Variants in CTNNA3 observed in about 807,000 individuals in gnomAD.
CTNNA3 encodes catenin alpha 3, also known as catenin alpha-3.
CTNNA3 carries 76 observed loss-of-function variants against 95.7 expected under a neutral mutation model. The observed-to-expected ratio is 0.79, with a 90% CI of 0.66 to 0.96. CTNNA3 has a LOEUF of 0.96. CTNNA3 is among the 40% of genes least tolerant of loss of function. The pLI is 0.00. For synonymous variants in CTNNA3, 431 were observed against 374.4 expected, an observed-to-expected ratio of 1.15 and a Z score of -1.74; for missense variants, 1,191 against 1,089.8, an observed-to-expected ratio of 1.09 and a Z score of -1.31.
intron 13 of CTNNA3, among the ~76,000 whole-genome samples, chr10:66,201,775 T>C (rs1025063084): frequency 2.3e-4 from 32 of 141,320 alleles, no homozygotes; most frequent in African/African-American, 8.3e-4. Context: ...GCTGTCTTTT[T>C]ACTTTTTCTT....
chr10:66,476,983 T>A (rs552274321), intron 11 of CTNNA3, among the ~76,000 whole-genome samples: 1 of 152,264 alleles, frequency 6.6e-6, no homozygotes, highest in African/African-American at 2.4e-5. Flanking sequence ...TTTATGTTAA[T>A]ATTTAACTCT....
intron 16 of CTNNA3, among the ~76,000 whole-genome samples, chr10:65,971,202 C>T (rs1057027283): frequency 2.6e-5 from 4 of 151,660 alleles, no homozygotes; most frequent in Admixed American, 6.6e-5. Flanking sequence ...ACTCCTACCT[C>T]AAAAAGTTAG....
intron 9 of CTNNA3, among the ~76,000 whole-genome samples, chr10:66,763,002 C>T (rs115058643): frequency 1.2e-4 from 19 of 152,062 alleles, no homozygotes; most frequent in African/African-American, 3.1e-4. Flanking sequence ...AGACTTTCTG[C>T]CGTGCTATGT....
intron 15 of CTNNA3, among the ~76,000 whole-genome samples, chr10:66,059,278 C>T (rs2080148066): frequency 6.6e-6 from 1 of 152,072 alleles, no homozygotes; most frequent in African/African-American, 2.4e-5. Flanking sequence ...ACATCATTCT[C>T]ATAAATACAG....
intron 5 of CTNNA3, among the ~76,000 whole-genome samples, chr10:67,449,187 G>T (rs1476041088): frequency 6.6e-6 from 1 of 151,844 alleles, no homozygotes; most frequent in Non-Finnish European, 1.5e-5. Flanking sequence ...TGAGAAAACA[G>T]AAACAAATGG....
intron 5 of CTNNA3, among the ~76,000 whole-genome samples, chr10:67,382,838 G>A (rs557089405): frequency 2.0e-5 from 3 of 152,266 alleles, no homozygotes; most frequent in South Asian, 4.1e-4. Flanking sequence ...ACAAGAGAGA[G>A]GAGGGGGTGC....
intron 1 of CTNNA3, among the ~76,000 whole-genome samples, chr10:67,659,289 T>C (rs951331969): frequency 6.6e-6 from 1 of 152,192 alleles, no homozygotes; most frequent in Non-Finnish European, 1.5e-5. Flanking sequence ...AAAGTAATAT[T>C]GTACATGAGA....
At chr10:66,057,560 T>C (rs1276391335) in intron 15 of CTNNA3, among the ~76,000 whole-genome samples, 2 of 152,176 alleles carry the variant, frequency 1.3e-5, no homozygotes, top group East Asian at 1.9e-4. Context: ...CAGTCTCCTT[T>C]ATATTAAAGC....
At chr10:67,585,128 C>G (rs1266006141) in intron 3 of CTNNA3, among the ~76,000 whole-genome samples, 2 of 152,170 alleles carry the variant, frequency 1.3e-5, no homozygotes, top group Non-Finnish European at 2.9e-5. Context: ...CAGAAATCAC[C>G]CATCTTCTGC....
chr10:66,658,568 A>G (rs1264560195), intron 9 of CTNNA3, among the ~76,000 whole-genome samples: 1 of 152,206 alleles, frequency 6.6e-6, no homozygotes, highest in Non-Finnish European at 1.5e-5. Context: ...GAGTGAGGCT[A>G]CCGTTAAGTG....
intron 14 of CTNNA3, chr10:66,084,825 T>C (rs1028719060): frequency 6.6e-6 from 1 of 152,284 alleles, no homozygotes; most frequent in African/African-American, 2.4e-5. Flanking sequence ...ATATCTATCA[T>C]CTATCTATGT....
chr10:66,109,863 G>T (rs1337480829), intron 13 of CTNNA3, among the ~76,000 whole-genome samples: 2 of 111,974 alleles, frequency 1.8e-5, no homozygotes, highest in South Asian at 5.2e-4. Context: ...AAAACTTAAA[G>T]TACAAAAAAA....
intron 10 of CTNNA3, among the ~76,000 whole-genome samples, chr10:66,540,941 T>G (rs1841828917): frequency 1.3e-5 from 2 of 152,076 alleles, no homozygotes; most frequent in African/African-American, 4.8e-5. Flanking sequence ...ATTCCTTAAC[T>G]TTACGTAAGT....
intron 7 of CTNNA3, among the ~76,000 whole-genome samples, chr10:66,983,304 G>C (rs1202443238): frequency 1.3e-5 from 2 of 152,070 alleles, no homozygotes; most frequent in Non-Finnish European, 2.9e-5. Flanking sequence ...ATCAGGAGCT[G>C]GCATAAGACC....
intron 10 of CTNNA3, among the ~76,000 whole-genome samples, chr10:66,567,176 T>C (rs2132152846): frequency 6.6e-6 from 1 of 150,714 alleles, no homozygotes. Flanking sequence ...TCACAGGCAG[T>C]TGACAGACAC....
chr10:67,217,959 T>C (rs1864460902), intron 6 of CTNNA3, among the ~76,000 whole-genome samples: 1 of 151,952 alleles, frequency 6.6e-6, no homozygotes, highest in East Asian at 1.9e-4. Context: ...CAAAACATCA[T>C]TTCATGCACA....
intron 1 of CTNNA3, among the ~76,000 whole-genome samples, chr10:67,677,354 T>C (rs1398278426): frequency 6.6e-6 from 1 of 152,182 alleles, no homozygotes; most frequent in Non-Finnish European, 1.5e-5. Context: ...GGGACATACT[T>C]ACACACGCAC....
chr10:66,858,856 G>C (rs949174729), intron 7 of CTNNA3, among the ~76,000 whole-genome samples: 1 of 151,718 alleles, frequency 6.6e-6, no homozygotes, highest in Non-Finnish European at 1.5e-5. Context: ...TTGATCTTTT[G>C]TATGGTTTTT....
chr10:66,425,075 T>C (rs926921987), intron 11 of CTNNA3, among the ~76,000 whole-genome samples: 2 of 150,588 alleles, frequency 1.3e-5, no homozygotes, highest in Non-Finnish European at 1.5e-5. Flanking sequence ...TTATATACTG[T>C]GTGGATTGTT....
Sources: allele counts gnomAD v4.1 joint callset (sites outside exome capture counted in the v4.1 genomes callset), GRCh38; gene constraint gnomAD v4.1.1; transcripts MANE v1.5; gene names NCBI Gene and HGNC (gene_info 2026-07-23, HGNC 2026-07-21).